Variants in SRPK2 observed in about 807,000 individuals in gnomAD.
SRPK2 encodes SRSF protein kinase 2.
Under a neutral mutation model 90.8 loss-of-function variants are expected in SRPK2, and 21 were observed. That is an observed-to-expected ratio of 0.23 (90% CI 0.16 to 0.33). The LOEUF (loss-of-function observed/expected upper bound fraction) is 0.33. Ranked by LOEUF, SRPK2 falls within the 10% of genes least tolerant of loss-of-function variation. SRPK2 has a pLI of 1.00. For missense variants in SRPK2, 620 were observed against 869.0 expected (o/e 0.71, Z 3.60); for synonymous variants, 288 against 311.1 (o/e 0.93, Z 0.78).
intron 2 of SRPK2, among the ~76,000 whole-genome samples, chr7:105,325,607 A>G (rs1357601059): frequency 6.6e-6 from 1 of 151,728 alleles, no homozygotes; most frequent in African/African-American, 2.4e-5. Context: ...CCTGTAATCT[A>G]AGTACTTTAG....
chr7:105,160,250 C>G (rs1254895734), intron 7 of SRPK2: 1 of 267,194 alleles, frequency 3.7e-6, no homozygotes, highest in African/African-American at 2.3e-5. Flanking sequence ...TGTCACATAC[C>G]TTAAAAAAAA....
chr7:105,195,225 A>C (rs945487315), intron 3 of SRPK2, among the ~76,000 whole-genome samples: 1 of 151,666 alleles, frequency 6.6e-6, no homozygotes, highest in Non-Finnish European at 1.5e-5. Flanking sequence ...AATTTTTTGT[A>C]TCTTTAGTAG....
At chr7:105,199,283 G>C (rs1795266577) in intron 3 of SRPK2, among the ~76,000 whole-genome samples, 1 of 152,136 alleles carries the variant, frequency 6.6e-6, no homozygotes, top group South Asian at 2.1e-4. Context: ...AAATACATGT[G>C]ATGTCTTTTG....
chr7:105,268,715 T>C (rs1431775641), intron 2 of SRPK2: 17 of 1,437,758 alleles, frequency 1.2e-5, no homozygotes, highest in Admixed American at 5.2e-5. Flanking sequence ...ATACGTTATA[T>C]AGCAAACTTG....
chr7:105,244,933 TG>T, intron 2 of SRPK2: 1 of 1,477,922 alleles, frequency 6.8e-7, no homozygotes, highest in Non-Finnish European at 9.3e-7. Context: ...AGCAACGTCC[TG>T]GCCGCCATGA....
intron 4 of SRPK2, 78 bp downstream of exon 4, chr7:105,169,079 C>T: frequency 1.6e-6 from 2 of 1,273,142 alleles, no homozygotes; most frequent in Non-Finnish European, 2.3e-6. Context: ...GCAGTGGTGA[C>T]CCTCAGCCAT....
At chr7:105,291,996 G>A (rs1346101489) in intron 2 of SRPK2, among the ~76,000 whole-genome samples, 1 of 152,152 alleles carries the variant, frequency 6.6e-6, no homozygotes, top group Non-Finnish European at 1.5e-5. Flanking sequence ...AAAATGGAAT[G>A]CTGTTTATCC....
At chr7:105,348,106 C>T (rs1357437126) in intron 2 of SRPK2, among the ~76,000 whole-genome samples, 6 of 79,428 alleles carry the variant, frequency 7.6e-5, no homozygotes, top group Non-Finnish European at 6.9e-5. Flanking sequence ...GATGGAGTTT[C>T]GCTCTTGTTC....
At chr7:105,206,074 G>C in intron 2 of SRPK2, 1 of 509,476 alleles carries the variant, frequency 2.0e-6, no homozygotes. Context: ...CTGTGGGGCT[G>C]TCGTGTGCAC....
intron 2 of SRPK2, among the ~76,000 whole-genome samples, chr7:105,336,000 C>T (rs1273120129): frequency 2.0e-5 from 3 of 151,292 alleles, no homozygotes; most frequent in African/African-American, 7.3e-5. Context: ...AAAATATATA[C>T]CAAATTTTCA....
At chr7:105,221,006 G>A (rs1232573917) in intron 2 of SRPK2, among the ~76,000 whole-genome samples, 1 of 152,152 alleles carries the variant, frequency 6.6e-6, no homozygotes, top group African/African-American at 2.4e-5. Context: ...AATATTAGCA[G>A]TATTTATTTG....
chr7:105,302,290 G>T (rs553977126), intron 2 of SRPK2, among the ~76,000 whole-genome samples: 1 of 152,318 alleles, frequency 6.6e-6, no homozygotes, highest in South Asian at 2.1e-4. Flanking sequence ...TTAATAAAAG[G>T]TGAAAATGTT....
At chr7:105,247,755 C>T (rs1801903808) in intron 2 of SRPK2, among the ~76,000 whole-genome samples, 1 of 151,910 alleles carries the variant, frequency 6.6e-6, no homozygotes, top group African/African-American at 2.4e-5. Context: ...GAGATGGTAC[C>T]TCACTATGTT....
chr7:105,157,399 T>TA (rs1375685935), intron 7 of SRPK2, among the ~76,000 whole-genome samples: 1 of 152,112 alleles, frequency 6.6e-6, no homozygotes, highest in Non-Finnish European at 1.5e-5. Flanking sequence ...CAGTCTGCAA[T>TA]AAAAAATCTT....
At chr7:105,383,740 A>C (rs1821224349) in intron 2 of SRPK2, among the ~76,000 whole-genome samples, 1 of 152,232 alleles carries the variant, frequency 6.6e-6, no homozygotes, top group South Asian at 2.1e-4. Context: ...ATTTTAAGGA[A>C]CAATGGATAA....
At chr7:105,349,466 G>A (rs1585828834) in intron 2 of SRPK2, among the ~76,000 whole-genome samples, 1 of 147,066 alleles carries the variant, frequency 6.8e-6, no homozygotes, top group East Asian at 2.1e-4. Context: ...AGGTTGCAGT[G>A]AGCCGAGATC....
intron 2 of SRPK2, among the ~76,000 whole-genome samples, chr7:105,209,950 A>G (rs1315744285): frequency 6.6e-6 from 1 of 152,202 alleles, no homozygotes; most frequent in Non-Finnish European, 1.5e-5. Context: ...ATCATACTAT[A>G]ATACTAAAAT....
chr7:105,175,101 C>A (rs1329768691), intron 3 of SRPK2, among the ~76,000 whole-genome samples: 1 of 151,478 alleles, frequency 6.6e-6, no homozygotes, highest in African/African-American at 2.4e-5. Flanking sequence ...GATCACACCA[C>A]TGCACTGCAG....
chr7:105,374,891 G>A (rs1391502838), intron 2 of SRPK2, among the ~76,000 whole-genome samples: 1 of 152,080 alleles, frequency 6.6e-6, no homozygotes, highest in Non-Finnish European at 1.5e-5. Context: ...ACAGGCTTGA[G>A]CCACTGCACC....
Sources: gnomAD v4.1 joint callset for allele counts (sites outside exome capture counted in the v4.1 genomes callset) on GRCh38, gnomAD v4.1.1 for gene constraint, MANE v1.5 for transcripts, NCBI Gene and HGNC (gene_info 2026-07-23, HGNC 2026-07-21) for gene names.